Variants in XKR6 observed in about 807,000 individuals in gnomAD.
The protein encoded by XKR6 is XK related 6, also known as XK-related protein 6.
Under a neutral mutation model 56.7 loss-of-function variants are expected in XKR6, and 22 were observed. The ratio of observed to expected loss-of-function variants is 0.39; its 90% CI spans 0.28 to 0.55. XKR6 has a LOEUF of 0.55. XKR6 is among the 20% of genes least tolerant of loss of function. XKR6 has a pLI of 0.66. For missense variants in XKR6, 852 were observed against 889.0 expected (o/e 0.96, Z 0.53); for synonymous variants, 524 against 387.8 (o/e 1.35, Z -4.13).
chr8:11,181,357 G>C (rs1802970052), intron 1 of XKR6, among the ~76,000 whole-genome samples: 1 of 152,148 alleles, frequency 6.6e-6, no homozygotes, highest in East Asian at 1.9e-4. Flanking sequence ...CTTTTAGACA[G>C]ACTGTATTTC....
At chr8:11,182,054 C>T (rs1277812199) in intron 1 of XKR6, among the ~76,000 whole-genome samples, 3 of 152,236 alleles carry the variant, frequency 2.0e-5, no homozygotes, top group African/African-American at 4.8e-5. Flanking sequence ...GCTGGGATTA[C>T]AGGCATGAGC....
chr8:11,191,090 T>A (rs1411086391), intron 1 of XKR6, among the ~76,000 whole-genome samples: 1 of 152,168 alleles, frequency 6.6e-6, no homozygotes, highest in African/African-American at 2.4e-5. Context: ...GGCACTTTAT[T>A]GATCTTAGTT....
At chr8:11,067,289 G>T (rs1800006238) in intron 1 of XKR6, among the ~76,000 whole-genome samples, 1 of 152,176 alleles carries the variant, frequency 6.6e-6, no homozygotes, top group South Asian at 2.1e-4. Flanking sequence ...CATTTGGCTT[G>T]AGCTTGCATC....
intron 1 of XKR6, among the ~76,000 whole-genome samples, chr8:11,040,359 TAA>T (rs143219123): frequency 2.3e-3 from 248 of 107,284 alleles, no homozygotes; most frequent in African/African-American, 5.1e-3. Context: ...TCATGTCTGC[TAA>T]AAAAAAAAAA....
chr8:11,177,918 A>T (rs6984065), intron 1 of XKR6, among the ~76,000 whole-genome samples: 7,910 of 152,310 alleles, frequency 0.052, 227 homozygotes, highest in Middle Eastern at 0.068. Flanking sequence ...ACAGTGAGCT[A>T]ATGTCCTGCT....
chr8:11,195,545 G>A (rs1312584577), intron 1 of XKR6, among the ~76,000 whole-genome samples: 2 of 152,070 alleles, frequency 1.3e-5, no homozygotes, highest in African/African-American at 4.8e-5. Flanking sequence ...TCCTGATCAG[G>A]TAAGTCTCAA....
At chr8:11,051,414 G>C (rs770617390) in intron 1 of XKR6, among the ~76,000 whole-genome samples, 1 of 152,130 alleles carries the variant, frequency 6.6e-6, no homozygotes, top group African/African-American at 2.4e-5. Context: ...CACTTCCCCA[G>C]GGGTGTTTCA....
intron 1 of XKR6, among the ~76,000 whole-genome samples, chr8:11,191,702 A>G (rs1483953106): frequency 7.0e-5 from 7 of 100,312 alleles, no homozygotes; most frequent in African/African-American, 2.6e-4. Context: ...ATGTCATGAG[A>G]AAAAAAAAAA....
intron 1 of XKR6, chr8:11,105,600 A>C (rs1449144857): frequency 1.3e-5 from 2 of 152,256 alleles, no homozygotes; most frequent in Admixed American, 1.3e-4. Flanking sequence ...GATTTAGATC[A>C]TCGTATTGAT....
intron 1 of XKR6, among the ~76,000 whole-genome samples, chr8:11,159,660 A>G (rs559626016): frequency 5.3e-5 from 8 of 152,370 alleles, no homozygotes; most frequent in African/African-American, 9.6e-5. Context: ...CTGTGTTTTG[A>G]TAAGTCCTCC....
chr8:10,964,916 A>G (rs1360274715), intron 1 of XKR6, among the ~76,000 whole-genome samples: 1 of 152,218 alleles, frequency 6.6e-6, no homozygotes, highest in Non-Finnish European at 1.5e-5. Context: ...CCAGCGCTCC[A>G]GGGCGCTGTT....
intron 1 of XKR6, among the ~76,000 whole-genome samples, chr8:11,150,645 T>C (rs1336332310): frequency 6.6e-6 from 1 of 151,922 alleles, no homozygotes; most frequent in African/African-American, 2.4e-5. Context: ...CTGAGGTCAG[T>C]AGTTTGAGAG....
rs62488575 is a variant in XKR6, at chr8:11,075,766, G to A, written c.764+124810C>T. On this transcript the variant is annotated intron_variant, in intron 1 of 2. Coordinates refer to ENST00000416569, the MANE Select transcript of XKR6 (RefSeq NM_173683.4). Reference sequence around the variant, plus strand: ...TGAGCACCTGTAGTCCCAGCTATTCGTGAGGCTGAGGCAGGAGAATCACTT... The same window carrying A: ...TGAGCACCTGTAGTCCCAGCTATTCATGAGGCTGAGGCAGGAGAATCACTT... Among the ~76,000 whole-genome samples the A allele has an allele frequency of 4.9e-3, 745 of 152,208 alleles. 11 individuals carry two copies. The highest frequency in any genetic ancestry group is 0.015 in the African/African-American group (619 of 41,500).
In XKR6 at chr8:10,954,866, C is replaced by CTTTTTTTTTTTTTTTTTTTTTTTTT. The variant is rs34248780; in HGVS notation, c.765-30037_765-30036insAAAAAAAAAAAAAAAAAAAAAAAAA. Among the ~76,000 whole-genome samples, 40 of 92,796 alleles carry CTTTTTTTTTTTTTTTTTTTTTTTTT rather than the reference C, an allele frequency of 4.3e-4. 4 individuals carry two copies. The highest frequency in any genetic ancestry group is 6.3e-4 in the Non-Finnish European group (29 of 45,944). The allele number at this position is 92,796 out of a possible 152,430, so 60.9% of individuals were successfully genotyped here. A position where few individuals can be genotyped will look rare whatever the true frequency, so the allele number is the denominator to read the frequency against. On this transcript the variant is annotated intron_variant, in intron 1 of 2. Coordinates refer to ENST00000416569, the MANE Select transcript of XKR6 (RefSeq NM_173683.4). ...TAAGGTAAGGGTCTAACTTCATTCT[C>CTTTTTTTTTTTTTTTTTTTTTTTTT]TTTTTTTTTTTTTTTTTTTTAGACA...
At chr8:10,946,923 T>C (rs1801568084) in intron 1 of XKR6, among the ~76,000 whole-genome samples, 1 of 151,948 alleles carries the variant, frequency 6.6e-6, no homozygotes. Flanking sequence ...AAGAGGGTGC[T>C]CCAGGTAGAC....
intron 1 of XKR6, among the ~76,000 whole-genome samples, chr8:11,126,636 G>A (rs944741560): frequency 7.9e-5 from 12 of 152,066 alleles, no homozygotes; most frequent in Admixed American, 2.6e-4. Flanking sequence ...GTCACCTGCC[G>A]AATTTCCAAG....
intron 1 of XKR6, among the ~76,000 whole-genome samples, chr8:11,173,339 G>C (rs990053887): frequency 1.4e-5 from 2 of 147,340 alleles, no homozygotes; most frequent in East Asian, 3.9e-4. Context: ...GCGAGACTCC[G>C]CCTTAAAAAA....
At chr8:11,122,053 G>C (rs1003201062) in intron 1 of XKR6, among the ~76,000 whole-genome samples, 1 of 152,236 alleles carries the variant, frequency 6.6e-6, no homozygotes, top group South Asian at 2.1e-4. Context: ...ATAGCACACA[G>C]TGTGCCATAA....
intron 1 of XKR6, among the ~76,000 whole-genome samples, chr8:11,103,110 T>A (rs1007907280): frequency 6.6e-6 from 1 of 152,200 alleles, no homozygotes; most frequent in Non-Finnish European, 1.5e-5. Context: ...TGATGGCAGT[T>A]TTTTTAATTT....
Sources: allele counts gnomAD v4.1 joint callset (sites outside exome capture counted in the v4.1 genomes callset), GRCh38; gene constraint gnomAD v4.1.1; transcripts MANE v1.5; gene names NCBI Gene and HGNC (gene_info 2026-07-23, HGNC 2026-07-21).